The following PPM1E variants were observed in gnomAD, a reference collection of about 807,000 sequenced individuals.
PPM1E encodes protein phosphatase 1E.
In PPM1E, 20 loss-of-function variants were observed where a neutral mutation model predicts 65.9. The observed-to-expected ratio is 0.30, with a 90% CI of 0.21 to 0.44. The LOEUF (loss-of-function observed/expected upper bound fraction) is 0.44. Ranked by LOEUF, PPM1E falls within the 20% of genes least tolerant of loss-of-function variation. The pLI is 1.00. For missense variants in PPM1E, 713 were observed against 953.1 expected, an observed-to-expected ratio of 0.75 and a Z score of 3.32; for synonymous variants, 352 against 374.9, an observed-to-expected ratio of 0.94 and a Z score of 0.70.
At chr17:58,919,484 C>T (rs906819523) in intron 1 of PPM1E, among the ~76,000 whole-genome samples, 3 of 152,086 alleles carry the variant, frequency 2.0e-5, no homozygotes, top group African/African-American at 7.2e-5. Context: ...TTTAGATTTA[C>T]AGCGAGTTGA....
chr17:58,963,410 C>T (rs559604944), intron 2 of PPM1E, among the ~76,000 whole-genome samples: 7 of 140,758 alleles, frequency 5.0e-5, no homozygotes, highest in South Asian at 2.3e-4. Flanking sequence ...AAAACTTGGC[C>T]GGGCACAGTG....
At chr17:58,775,418 A>G (rs115827987) in intron 1 of PPM1E, among the ~76,000 whole-genome samples, 1,709 of 152,196 alleles carry the variant, frequency 0.011, 36 homozygotes, top group African/African-American at 0.039. Flanking sequence ...CCGCTCTATA[A>G]TAATGTTATT....
intron 6 of PPM1E, 60 bp from the exon 7 acceptor site, chr17:58,979,914 G>A: frequency 3.7e-6 from 5 of 1,365,080 alleles, no homozygotes; most frequent in African/African-American, 2.9e-5. Flanking sequence ...GGTCATAAAC[G>A]TTCTTAGCAT....
intron 1 of PPM1E, among the ~76,000 whole-genome samples, chr17:58,911,338 A>C (rs2143504534): frequency 6.6e-6 from 1 of 152,320 alleles, no homozygotes; most frequent in East Asian, 1.9e-4. Context: ...TGTTAAAATA[A>C]TTCTCTTCAA....
intron 1 of PPM1E, among the ~76,000 whole-genome samples, chr17:58,937,261 CTCTT>C (rs2051994533): frequency 6.8e-6 from 1 of 146,300 alleles, no homozygotes; most frequent in Admixed American, 6.8e-5. Flanking sequence ...GTAGGCCTGT[CTCTT>C]TTTTTTTTTT....
chr17:58,979,310 T>C (rs540990227), intron 6 of PPM1E, among the ~76,000 whole-genome samples: 6 of 152,176 alleles, frequency 3.9e-5, no homozygotes, highest in Non-Finnish European at 5.9e-5. Flanking sequence ...CACTAAAAAA[T>C]AGAAAGCCAA....
At chr17:58,827,825 C>G (rs1266659136) in intron 1 of PPM1E, among the ~76,000 whole-genome samples, 1 of 149,706 alleles carries the variant, frequency 6.7e-6, no homozygotes, top group Non-Finnish European at 1.5e-5. Flanking sequence ...TGGCGTGAAC[C>G]CGGGAGGCGG....
At chr17:58,969,339 G>A in intron 3 of PPM1E, 200 bp from the exon 4 acceptor site, 1 of 684,870 alleles carries the variant, frequency 1.5e-6, no homozygotes, top group Non-Finnish European at 2.7e-6. Flanking sequence ...GTGTTCTGGT[G>A]TGTAAACACA....
chr17:58,959,033 G>A (rs2029939199), intron 2 of PPM1E, among the ~76,000 whole-genome samples: 1 of 152,144 alleles, frequency 6.6e-6, no homozygotes, highest in South Asian at 2.1e-4. Flanking sequence ...AAGTAGGCCT[G>A]GTGTGGTGGC....
At chr17:58,788,249 C>G (rs1393473152) in intron 1 of PPM1E, among the ~76,000 whole-genome samples, 17 of 152,082 alleles carry the variant, frequency 1.1e-4, no homozygotes, top group Non-Finnish European at 2.4e-4. Context: ...CGAGGTTTCA[C>G]CGTGTTGGCA....
At chr17:58,806,075 T>G (rs948605109) in intron 1 of PPM1E, among the ~76,000 whole-genome samples, 1 of 151,524 alleles carries the variant, frequency 6.6e-6, no homozygotes, top group Non-Finnish European at 1.5e-5. Context: ...GTGTCCTGTC[T>G]CGTGGCACTT....
intron 1 of PPM1E, among the ~76,000 whole-genome samples, chr17:58,913,855 A>G (rs558968114): frequency 2.0e-5 from 3 of 152,190 alleles, no homozygotes; most frequent in Non-Finnish European, 4.4e-5. Context: ...CATAGGAGCA[A>G]CTGAAGAGGT....
At chr17:58,973,025 C>A (rs771499615) in intron 6 of PPM1E, 100 bp downstream of exon 6, 83 of 726,378 alleles carry the variant, frequency 1.1e-4, no homozygotes, top group Non-Finnish European at 1.8e-4. Context: ...ATTTATGTTA[C>A]CAGAATGCTT....
chr17:58,778,927 CAT>C (rs59563297), intron 1 of PPM1E, among the ~76,000 whole-genome samples: 10,444 of 103,398 alleles, frequency 0.1, 407 homozygotes, highest in Non-Finnish European at 0.11. Flanking sequence ...ATGATACATA[CAT>C]ATATATATAT....
intron 2 of PPM1E, among the ~76,000 whole-genome samples, chr17:58,957,728 A>G (rs1203091919): frequency 6.6e-6 from 1 of 152,130 alleles, no homozygotes. Flanking sequence ...AAAAAAAAAA[A>G]TCCTTAAATT....
At chr17:58,827,335 C>T (rs918299525) in intron 1 of PPM1E, among the ~76,000 whole-genome samples, 5 of 151,556 alleles carry the variant, frequency 3.3e-5, no homozygotes, top group Non-Finnish European at 5.9e-5. Context: ...GACAGGGTTT[C>T]GCCATGTTGG....
intron 1 of PPM1E, among the ~76,000 whole-genome samples, chr17:58,893,386 T>G (rs2051372169): frequency 6.6e-6 from 1 of 152,166 alleles, no homozygotes; most frequent in Non-Finnish European, 1.5e-5. Flanking sequence ...ATTGCAACTA[T>G]ATAACATACT....
At chr17:58,859,211 T>G (rs1160149076) in intron 1 of PPM1E, among the ~76,000 whole-genome samples, 1 of 152,152 alleles carries the variant, frequency 6.6e-6, no homozygotes, top group Non-Finnish European at 1.5e-5. Flanking sequence ...GGAAGATCAG[T>G]TCTACATTCT....
At chr17:58,857,000 A>G (rs1325192671) in intron 1 of PPM1E, among the ~76,000 whole-genome samples, 1 of 152,204 alleles carries the variant, frequency 6.6e-6, no homozygotes, top group Non-Finnish European at 1.5e-5. Context: ...ACAATAGTCC[A>G]GAGAACACCC....
Sources: gnomAD v4.1 joint callset for allele counts (sites outside exome capture counted in the v4.1 genomes callset) on GRCh38, gnomAD v4.1.1 for gene constraint, MANE v1.5 for transcripts, NCBI Gene and HGNC (gene_info 2026-07-23, HGNC 2026-07-21) for gene names.